Variants in GREB1L observed in about 807,000 individuals in gnomAD.
GREB1L encodes GREB1-like protein.
In GREB1L, 17 loss-of-function variants were observed where a neutral mutation model predicts 200.8. The ratio of observed to expected loss-of-function variants is 0.08; its 90% CI spans 0.06 to 0.13. GREB1L has a LOEUF of 0.13. GREB1L is among the 10% of genes least tolerant of loss of function. GREB1L has a pLI of 1.00. For missense variants in GREB1L, 1,657 were observed against 2,367.7 expected, an observed-to-expected ratio of 0.70 and a Z score of 6.23; for synonymous variants, 789 against 893.0, an observed-to-expected ratio of 0.88 and a Z score of 2.08.
At chr18:21,470,277 A>G (rs2035430434) in intron 15 of GREB1L, among the ~76,000 whole-genome samples, 1 of 151,816 alleles carries the variant, frequency 6.6e-6, no homozygotes, top group African/African-American at 2.4e-5. Flanking sequence ...ACAGAACAGG[A>G]CTCTTGTCTC....
At chr18:21,416,704 A>AC (rs1185276786) in intron 7 of GREB1L, among the ~76,000 whole-genome samples, 54 of 150,506 alleles carry the variant, frequency 3.6e-4, no homozygotes, top group African/African-American at 1.2e-3. Context: ...AAAAAAAAAA[A>AC]AAAAAACTAC....
chr18:21,363,295 C>G (rs1184702079), intron 1 of GREB1L, among the ~76,000 whole-genome samples: 22 of 110,482 alleles, frequency 2.0e-4, no homozygotes, highest in South Asian at 8.7e-4. Flanking sequence ...CCGCCCCCCC[C>G]CCCCCACACA....
At chr18:21,439,446 G>T in intron 7 of GREB1L, 75 bp from the exon 8 acceptor site, 1 of 850,598 alleles carries the variant, frequency 1.2e-6, no homozygotes, top group Non-Finnish European at 2.0e-6. Context: ...AGGTCTATCA[G>T]ATGGTTCCAG....
chr18:21,340,396 G>A (rs1473262510), intron 1 of GREB1L, among the ~76,000 whole-genome samples: 1 of 150,790 alleles, frequency 6.6e-6, no homozygotes, highest in Admixed American at 6.7e-5. Context: ...CTCCAGCCTG[G>A]GCAACAGAGC....
At chr18:21,348,778 GA>G (rs201993233) in intron 1 of GREB1L, among the ~76,000 whole-genome samples, 2 of 149,170 alleles carry the variant, frequency 1.3e-5, no homozygotes, top group Admixed American at 6.7e-5. Context: ...CCATCTCGAA[GA>G]AAAAAAAAAT....
rs1483925267 is a variant in GREB1L, at chr18:21,525,973, T to C, written c.*3152T>C. On this transcript the variant is annotated 3_prime_UTR_variant, in exon 33 of 33. Transcript: ENST00000424526. ...CAGACTTTCAGAGGAAAGTAAAGAC[T>C]ACTGGTGTTCCACTATACATTCCAA... 6.6e-6 allele frequency among the ~76,000 whole-genome samples: 1 copy of C among 152,188 alleles called. No homozygotes were observed. Among genetic ancestry groups the C allele is most frequent in the Non-Finnish European group, 1.5e-5 (1 of 68,024 alleles).
At chr18:21,500,457 G>A in intron 22 of GREB1L, 83 bp from the exon 23 acceptor site, 2 of 1,057,948 alleles carry the variant, frequency 1.9e-6, no homozygotes, top group Non-Finnish European at 1.4e-6. Context: ...ACACTGCAGA[G>A]CCAAGGTGTG....
chr18:21,257,247 C>T (rs538148598), intron 1 of GREB1L, among the ~76,000 whole-genome samples: 1 of 152,078 alleles, frequency 6.6e-6, no homozygotes, highest in African/African-American at 2.4e-5. Context: ...GGATTACAGG[C>T]ATGAGCCACT....
At chr18:21,316,573 C>G (rs1045235446) in intron 1 of GREB1L, among the ~76,000 whole-genome samples, 2 of 152,118 alleles carry the variant, frequency 1.3e-5, no homozygotes, top group Non-Finnish European at 2.9e-5. Flanking sequence ...CTTTTGTGCT[C>G]TTGGAACTTT....
At chr18:21,467,420 G>A (rs950241890) in intron 15 of GREB1L, among the ~76,000 whole-genome samples, 14 of 152,126 alleles carry the variant, frequency 9.2e-5, no homozygotes, top group Non-Finnish European at 1.9e-4. Flanking sequence ...GTTTAATTAA[G>A]ATATGGATGA....
Position 21,449,503 on chromosome 18 carries a change from T to C in GREB1L, c.1394-7T>C, listed in dbSNP as rs1438753108. 5 of 1,486,672 alleles carry C rather than the reference T, an allele frequency of 3.4e-6. No individual in the cohort carries two copies. The highest frequency in any genetic ancestry group is 4.5e-6 in the Non-Finnish European group (5 of 1,105,484). The allele number at this position is 1,486,672 out of a possible 1,614,324, so 92.1% of individuals were successfully genotyped here. ...TTAAATTCCAGCTGTAATTCTCTTC[T>C]ATATAGGTCCTGATCAGGTACCTCT... On this transcript the variant is annotated splice_region_variant and splice_polypyrimidine_tract_variant and intron_variant, in intron 11 of 32. Coordinates refer to ENST00000424526, the MANE Select transcript of GREB1L (RefSeq NM_001142966.3).
intron 1 of GREB1L, among the ~76,000 whole-genome samples, chr18:21,254,797 G>C (rs1337324845): frequency 6.6e-6 from 1 of 152,036 alleles, no homozygotes; most frequent in Non-Finnish European, 1.5e-5. Context: ...CAGCACACAC[G>C]ACTCATACCC....
intron 2 of GREB1L, among the ~76,000 whole-genome samples, chr18:21,381,252 A>G (rs1353918502): frequency 6.7e-6 from 1 of 148,864 alleles, no homozygotes; most frequent in African/African-American, 2.5e-5. Context: ...AAAAATAATA[A>G]TAATAATTAG....
At chr18:21,265,792 T>A (rs1350641001) in intron 1 of GREB1L, among the ~76,000 whole-genome samples, 1 of 152,176 alleles carries the variant, frequency 6.6e-6, no homozygotes, top group Non-Finnish European at 1.5e-5. Context: ...ACATCTTCAT[T>A]AAATACTCTT....
intron 7 of GREB1L, among the ~76,000 whole-genome samples, chr18:21,406,875 CTTTT>C (rs369137235): frequency 7.6e-6 from 1 of 131,940 alleles, no homozygotes. Flanking sequence ...CATTTTCTTC[CTTTT>C]TTTTTTTTTT....
At chr18:21,463,545 T>A (rs1434918636) in intron 15 of GREB1L, among the ~76,000 whole-genome samples, 1 of 152,020 alleles carries the variant, frequency 6.6e-6, no homozygotes, top group African/African-American at 2.4e-5. Context: ...AAATTGGCAA[T>A]GAAAGGGTGA....
Position 21,358,611 on chromosome 18 carries a change from A to G in GREB1L, c.-119-7416A>G, listed in dbSNP as rs12607955. On this transcript the variant is annotated intron_variant, in intron 1 of 32. Transcript: ENST00000424526. ...ATTACAGGCATGAGCCACCGCGCCC[A>G]GCCTGTTCTCACTTATAAGTGTCAG... Among the ~76,000 whole-genome samples the G allele has an allele frequency of 2.1e-3, 318 of 152,294 alleles. 2 individuals are homozygous for G. Among genetic ancestry groups the G allele is most frequent in the East Asian group, 0.017 (88 of 5,178 alleles).
At chr18:21,276,505 A>G (rs1274196006) in intron 1 of GREB1L, among the ~76,000 whole-genome samples, 3 of 152,148 alleles carry the variant, frequency 2.0e-5, no homozygotes, top group African/African-American at 7.2e-5. Flanking sequence ...TGGCCAGCCT[A>G]ACCTTTCTTC....
chr18:21,493,213 G>C (rs2036409465), intron 19 of GREB1L, among the ~76,000 whole-genome samples: 1 of 152,108 alleles, frequency 6.6e-6, no homozygotes, highest in African/African-American at 2.4e-5. Flanking sequence ...CTTCTATTAT[G>C]TGATCTTATT....
Sources: allele counts gnomAD v4.1 joint callset (sites outside exome capture counted in the v4.1 genomes callset), GRCh38; gene constraint gnomAD v4.1.1; transcripts MANE v1.5; gene names NCBI Gene and HGNC (gene_info 2026-07-23, HGNC 2026-07-21).